COL20A1: variants seen among roughly 807,000 people sequenced by gnomAD.
COL20A1 encodes collagen type XX alpha 1 chain.
COL20A1 carries 164 observed loss-of-function variants against 152.9 expected under a neutral mutation model. The observed-to-expected ratio is 1.07, with a 90% CI of 0.94 to 1.22. COL20A1 has a LOEUF of 1.22. Ranked by LOEUF, COL20A1 falls within the 50% of genes most tolerant of loss-of-function variation. COL20A1 has a pLI of 0.00. For missense variants in COL20A1, 1,873 were observed against 1,744.8 expected, an observed-to-expected ratio of 1.07 and a Z score of -1.31; for synonymous variants, 864 against 756.0, an observed-to-expected ratio of 1.14 and a Z score of -2.34.
chr20:63,320,895 C>T (rs2068153412), intron 25 of COL20A1, 118 bp from the exon 26 acceptor site: 2 of 745,004 alleles, frequency 2.7e-6, no homozygotes, highest in Non-Finnish European at 4.4e-6. Context: ...CCCTGCCTCC[C>T]AGGTGCGGGT....
At position 63,332,958 on chromosome 20, in the gene COL20A1, TC is replaced by T; in HGVS notation, c.*2246del. On this transcript the variant is annotated 3_prime_UTR_variant, in exon 36 of 36. Coordinates refer to ENST00000358894, the MANE Select transcript of COL20A1 (RefSeq NM_020882.4). ...GGCTCCTGTTTGCAGGAAGGCAGCCTCCCCGAGACCCAGCCGACCTGCACGT... is the reference window on the plus strand; with the variant it reads ...GGCTCCTGTTTGCAGGAAGGCAGCCTCCCGAGACCCAGCCGACCTGCACGT... 6.6e-6 allele frequency: 1 copy of T among 152,082 alleles called. No individual in the cohort carries two copies. Among genetic ancestry groups the T allele is most frequent in the Non-Finnish European group, 1.5e-5 (1 of 68,046 alleles). The allele number at this position is 152,082 out of a possible 1,614,324, so 9.4% of individuals were successfully genotyped here.
chr20:63,328,393 C>T lies in COL20A1; in HGVS notation c.3676C>T (p.Gln1226Ter). Residue 1226 changes from glutamine (Q) to a stop codon, truncating the protein, a stop_gained, in exon 34 of 36, where the codon CAG (glutamine) becomes TAG (stop). Transcript: ENST00000358894. LOFTEE classifies it high-confidence loss of function. ...CAGGCCCCCCATGCCCATCTTGGAG[C>T]AGAAGCTGGAGCCGGGCACTGAGCC... The part of the protein sequence containing the change: ...NTRPPMPILE[Q>*]KLEPGTEPLG... 6.2e-7 allele frequency: 1 copy of T among 1,612,644 alleles called. No homozygotes were observed. Among genetic ancestry groups the T allele is most frequent in the South Asian group, 1.1e-5 (1 of 90,930 alleles).
chr20:63,329,196 T>C (rs887068342), intron 34 of COL20A1: 14 of 219,672 alleles, frequency 6.4e-5, no homozygotes, highest in Admixed American at 5.2e-5. Flanking sequence ...GGGAGCCCCG[T>C]GGGCTGTGGG....
At chr20:63,312,397 T>C (rs763275994) in intron 14 of COL20A1, 23 bp from the exon 15 acceptor site, 219 of 1,543,040 alleles carry the variant, frequency 1.4e-4, no homozygotes, top group Non-Finnish European at 1.8e-4. Flanking sequence ...GGGCCTGCCA[T>C]GTCGCCCTCC....
Position 63,312,071 on chromosome 20 carries a change from TCCGGGGGCCCGAGTGTCTTGAGGG to T in COL20A1, c.1803+17_1803+40del. 1 of 1,539,018 alleles carries T rather than the reference TCCGGGGGCCCGAGTGTCTTGAGGG, an allele frequency of 6.5e-7. No individual in the cohort carries two copies. Among genetic ancestry groups the T allele is most frequent in the South Asian group, 1.2e-5 (1 of 81,488 alleles). ...CTCGGGGCAGGTGAGAGCAGAGCCC[TCCGGGGGCCCGAGTGTCTTGAGGG>T]ACCACAGGGCCCTGTCTGGCAGGCA... On this transcript the variant is annotated intron_variant, in intron 14 of 35. Coordinates refer to ENST00000358894, the MANE Select transcript of COL20A1 (RefSeq NM_020882.4).
chr20:63,299,032 G>A (rs1406070817), intron 3 of COL20A1, among the ~76,000 whole-genome samples: 1 of 152,206 alleles, frequency 6.6e-6, no homozygotes, highest in African/African-American at 2.4e-5. Context: ...ACACCATGGC[G>A]ACTCCCTCAT....
intron 27 of COL20A1, among the ~76,000 whole-genome samples, chr20:63,322,561 C>T (rs1207391776): frequency 1.3e-5 from 2 of 152,232 alleles, no homozygotes; most frequent in Non-Finnish European, 2.9e-5. Context: ...TCAGCGCATG[C>T]GCGGCGTGCA....
At chr20:63,297,504 T>G (rs1160040691) in intron 2 of COL20A1, among the ~76,000 whole-genome samples, 1 of 152,102 alleles carries the variant, frequency 6.6e-6, no homozygotes, top group Admixed American at 6.5e-5. Flanking sequence ...CCTGGGCAGG[T>G]TGCCAGCTGC....
rs761883146 is a variant in COL20A1, at chr20:63,333,823, G to C, written c.*3107G>C. On this transcript the variant is annotated 3_prime_UTR_variant, in exon 36 of 36. Coordinates refer to ENST00000358894, the MANE Select transcript of COL20A1 (RefSeq NM_020882.4). ...CCCCAGCTGTAGAGGAGCCTGCCCCGATGCCATCTGCACCTGGGGGGCGAC... is the reference window on the plus strand; with the variant it reads ...CCCCAGCTGTAGAGGAGCCTGCCCCCATGCCATCTGCACCTGGGGGGCGAC... The C allele has an allele frequency of 6.6e-6, 1 of 152,326 alleles. No homozygotes were observed. Among genetic ancestry groups the C allele is most frequent in the Non-Finnish European group, 1.5e-5 (1 of 68,122 alleles). The allele number at this position is 152,326 out of a possible 1,614,324, so 9.4% of individuals were successfully genotyped here. A position where few individuals can be genotyped will look rare whatever the true frequency, so the allele number is the denominator to read the frequency against.
At chr20:63,330,028 C>T (rs996997801) in intron 35 of COL20A1, among the ~76,000 whole-genome samples, 3 of 152,070 alleles carry the variant, frequency 2.0e-5, no homozygotes, top group East Asian at 3.9e-4. Flanking sequence ...CAGGTGTTTG[C>T]TCAGTGGGCA....
At chr20:63,307,225 A>C (rs1432454076) in intron 5 of COL20A1, among the ~76,000 whole-genome samples, 1 of 152,178 alleles carries the variant, frequency 6.6e-6, no homozygotes, top group African/African-American at 2.4e-5. Context: ...TCTGGGCCTG[A>C]TGTCTGGGCG....
intron 3 of COL20A1, among the ~76,000 whole-genome samples, chr20:63,298,568 G>A (rs558217990): frequency 3.3e-5 from 5 of 151,622 alleles, no homozygotes; most frequent in Non-Finnish European, 7.4e-5. Flanking sequence ...GATTACAGGC[G>A]TGAACCACCA....
intron 2 of COL20A1, among the ~76,000 whole-genome samples, chr20:63,296,485 G>A (rs915946149): frequency 1.3e-5 from 2 of 152,228 alleles, no homozygotes; most frequent in African/African-American, 2.4e-5. Context: ...GAGCCCACAC[G>A]CTGGGGCAGC....
intron 27 of COL20A1, 59 bp from the exon 28 acceptor site, chr20:63,325,382 C>T: frequency 1.5e-6 from 2 of 1,323,418 alleles, no homozygotes; most frequent in Non-Finnish European, 2.2e-6. Context: ...TCACTCCTTC[C>T]CTGCCCTCCT....
rs374376106 is a variant in COL20A1, at chr20:63,312,458, G to A, written c.1842G>A (p.Gly614=). 3.3e-5 allele frequency: 53 copies of A among 1,606,920 alleles called. No individual in the cohort carries two copies. In the African/African-American group the frequency reaches 6.1e-4, roughly 19 times the overall value. Residue 614 remains glycine (G), a synonymous_variant, in exon 15 of 36, where the codon GGG becomes GGA. Transcript: ENST00000358894. Reference sequence around the variant, plus strand: ...GGAACGCCACCTCGGCCACGCTGGGGCCTCTCTCTTCCTCCACCACCTACA... The same window carrying A: ...GGAACGCCACCTCGGCCACGCTGGGACCTCTCTCTTCCTCCACCACCTACA... The part of the protein sequence containing the change: ...APGNATSATL[G]PLSSSTTYTV...
chr20:63,301,207 C>T (rs567748691), intron 3 of COL20A1, among the ~76,000 whole-genome samples: 28 of 152,198 alleles, frequency 1.8e-4, no homozygotes, highest in Non-Finnish European at 3.7e-4. Flanking sequence ...CCCAGCTACT[C>T]GGGAGGCTGA....
intron 28 of COL20A1, 79 bp downstream of exon 28, chr20:63,325,573 G>A: frequency 6.5e-7 from 1 of 1,544,440 alleles, no homozygotes; most frequent in East Asian, 2.3e-5. Flanking sequence ...GGAGTGCCTG[G>A]GGGGCACAGG....
At chr20:63,330,103 C>T (rs553652915) in intron 35 of COL20A1, among the ~76,000 whole-genome samples, 1 of 152,138 alleles carries the variant, frequency 6.6e-6, no homozygotes, top group South Asian at 2.1e-4. Flanking sequence ...CTGGGTATGT[C>T]GATGAGAGAG....
chr20:63,327,775 G>A (rs1175544914), intron 31 of COL20A1, 177 bp from the exon 32 acceptor site: 13 of 635,308 alleles, frequency 2.0e-5, no homozygotes, highest in South Asian at 5.7e-5. Flanking sequence ...GCCTGCTCTC[G>A]GGTGCAGGCG....
Sources: gnomAD v4.1 joint callset for allele counts (sites outside exome capture counted in the v4.1 genomes callset) on GRCh38, gnomAD v4.1.1 for gene constraint, MANE v1.5 for transcripts, NCBI Gene and HGNC (gene_info 2026-07-23, HGNC 2026-07-21) for gene names.